Variants in ARF4 observed in about 807,000 individuals in gnomAD.
ARF4 encodes the protein ADP-ribosylation factor 4.
A neutral mutation model predicts 24.3 loss-of-function variants in ARF4; 5 were observed. The ratio of observed to expected loss-of-function variants is 0.21; its 90% CI spans 0.11 to 0.43. The LOEUF (loss-of-function observed/expected upper bound fraction) is 0.43. Ranked by LOEUF, ARF4 falls within the 20% of genes least tolerant of loss-of-function variation. ARF4 has a pLI of 1.00. For synonymous variants in ARF4, 62 were observed against 73.5 expected, an observed-to-expected ratio of 0.84 and a Z score of 0.80; for missense variants, 107 against 213.0, an observed-to-expected ratio of 0.50 and a Z score of 3.10.
intron 3 of ARF4, among the ~76,000 whole-genome samples, chr3:57,578,006 G>A (rs992285814): frequency 2.0e-5 from 3 of 151,944 alleles, no homozygotes; most frequent in African/African-American, 7.3e-5. Flanking sequence ...AGCTGAAATC[G>A]CACCACTGCA....
intron 1 of ARF4, among the ~76,000 whole-genome samples, chr3:57,591,838 T>C (rs2070120407): frequency 6.6e-6 from 1 of 152,084 alleles, no homozygotes; most frequent in Non-Finnish European, 1.5e-5. Context: ...CATGATTCCA[T>C]TAAATGAAGT....
chr3:57,590,314 G>C lies in ARF4; in HGVS notation c.68-5850C>G, dbSNP rs904880928. Among the ~76,000 whole-genome samples, 12 of 150,692 alleles carry C rather than the reference G, an allele frequency of 8.0e-5. No homozygotes were observed. In the East Asian group the frequency reaches 1.0e-3, roughly 13 times the overall value. ...AGCCTGGCCAAGATGGTGAAACCCTGTCTCTACTAAAAAATACAAAAATTA... is the reference window on the plus strand; with the variant it reads ...AGCCTGGCCAAGATGGTGAAACCCTCTCTCTACTAAAAAATACAAAAATTA... On this transcript the variant is annotated intron_variant, in intron 1 of 5. Coordinates refer to ENST00000303436, the MANE Select transcript of ARF4 (RefSeq NM_001660.4).
intron 3 of ARF4, among the ~76,000 whole-genome samples, chr3:57,579,329 C>T (rs998171306): frequency 6.9e-6 from 1 of 145,884 alleles, no homozygotes; most frequent in East Asian, 2.1e-4. Context: ...TTTTTTTCAC[C>T]CAGGCTGGAG....
chr3:57,596,098 A>T (rs552048857), intron 1 of ARF4, among the ~76,000 whole-genome samples: 1 of 152,212 alleles, frequency 6.6e-6, no homozygotes, highest in Non-Finnish European at 1.5e-5. Context: ...GACTGCTTAC[A>T]GTAACCGGGA....
At chr3:57,597,053 G>C (rs748898624) in intron 1 of ARF4, 21 bp downstream of exon 1, 2 of 1,612,620 alleles carry the variant, frequency 1.2e-6, no homozygotes, top group East Asian at 4.5e-5. Context: ...GGTCCCGCCT[G>C]ACTCGCAGCC....
chr3:57,577,396 A>C lies in ARF4; in HGVS notation c.259-9T>G, dbSNP rs769357816. ...ACCACAAAAATAAGACCCTGGGGAA[A>C]AATTGTTTCAGTAAATTTTAACAGT... On this transcript the variant is annotated splice_polypyrimidine_tract_variant and intron_variant, in intron 3 of 5. Transcript: ENST00000303436. 1 of 1,612,552 alleles carries C rather than the reference A, an allele frequency of 6.2e-7. No individual in the cohort carries two copies. The highest frequency in any genetic ancestry group is 2.2e-5 in the East Asian group (1 of 44,800).
At position 57,591,264 on chromosome 3, in the gene ARF4, G is replaced by T. The variant is rs1487663344; in HGVS notation, c.67+5810C>A. ...CCCACACAAAAACTTGTTCATGAATGTTGAAGAGCTAGAAAGTGAAAACAA... is the reference window on the plus strand; with the variant it reads ...CCCACACAAAAACTTGTTCATGAATTTTGAAGAGCTAGAAAGTGAAAACAA... On this transcript the variant is annotated intron_variant, in intron 1 of 5. Coordinates refer to ENST00000303436, the MANE Select transcript of ARF4 (RefSeq NM_001660.4). Among the ~76,000 whole-genome samples the T allele has an allele frequency of 4.6e-5, 7 of 152,038 alleles. No homozygotes were observed. In the East Asian group the frequency reaches 1.3e-3, roughly 29 times the overall value.
intron 1 of ARF4, among the ~76,000 whole-genome samples, chr3:57,584,884 G>A (rs1192788592): frequency 1.3e-5 from 2 of 151,968 alleles, no homozygotes; most frequent in African/African-American, 2.4e-5. Context: ...GGAGCGGGGG[G>A]ACGTATTCTC....
intron 5 of ARF4, among the ~76,000 whole-genome samples, chr3:57,573,582 T>C (rs941853938): frequency 2.6e-5 from 4 of 152,194 alleles, no homozygotes; most frequent in African/African-American, 2.4e-5. Flanking sequence ...ATTTATTGAT[T>C]GATCGACTGA....
At chr3:57,577,459 AAATGGTACC>A in intron 3 of ARF4, 72 bp from the exon 4 acceptor site, 1 of 1,185,046 alleles carries the variant, frequency 8.4e-7, no homozygotes, top group Non-Finnish European at 1.3e-6. Context: ...GTAGGCAGCA[AAATGGTACC>A]AATGGTTAGA....
At chr3:57,588,197 T>C (rs1004251702) in intron 1 of ARF4, among the ~76,000 whole-genome samples, 3 of 152,216 alleles carry the variant, frequency 2.0e-5, no homozygotes, top group East Asian at 1.9e-4. Context: ...TATTTAAAGA[T>C]GTACTGGAAT....
intron 1 of ARF4, among the ~76,000 whole-genome samples, chr3:57,584,895 G>A (rs1009262355): frequency 2.0e-5 from 3 of 152,026 alleles, no homozygotes; most frequent in African/African-American, 7.2e-5. Flanking sequence ...ACGTATTCTC[G>A]CTCTGTTGTC....
intron 1 of ARF4, among the ~76,000 whole-genome samples, chr3:57,589,585 GCTGGCGC>G (rs1223349993): frequency 6.6e-6 from 1 of 151,762 alleles, no homozygotes; most frequent in Non-Finnish European, 1.5e-5. Flanking sequence ...AGGCGTGGTG[GCTGGCGC>G]CTGTAAACCC....
chr3:57,579,981 G>A (rs1446913925), intron 3 of ARF4, among the ~76,000 whole-genome samples: 2 of 152,008 alleles, frequency 1.3e-5, no homozygotes, highest in Non-Finnish European at 2.9e-5. Context: ...CATGTCTATA[G>A]TCCTAGCTAC....
At chr3:57,587,319 C>CAAAA (rs56787111) in intron 1 of ARF4, among the ~76,000 whole-genome samples, 23 of 45,368 alleles carry the variant, frequency 5.1e-4, no homozygotes, top group Non-Finnish European at 8.9e-4. Flanking sequence ...AACTCAGTCT[C>CAAAA]AAAAAAAAAA....
intron 5 of ARF4, among the ~76,000 whole-genome samples, chr3:57,574,922 C>T (rs2069885637): frequency 6.6e-6 from 1 of 151,146 alleles, no homozygotes. Context: ...GATCGCGACT[C>T]ACCGCAACCT....
chr3:57,590,483 C>T (rs535789258), intron 1 of ARF4, among the ~76,000 whole-genome samples: 2 of 151,634 alleles, frequency 1.3e-5, no homozygotes, highest in Non-Finnish European at 2.9e-5. Flanking sequence ...AAGACTCCGT[C>T]TCAAAAAAAG....
At chr3:57,588,186 G>A (rs997277935) in intron 1 of ARF4, among the ~76,000 whole-genome samples, 3 of 152,158 alleles carry the variant, frequency 2.0e-5, no homozygotes, top group Admixed American at 6.5e-5. Context: ...ACAAGCAACT[G>A]TATTTAAAGA....
intron 1 of ARF4, among the ~76,000 whole-genome samples, chr3:57,589,353 A>G (rs1375824223): frequency 6.6e-6 from 1 of 151,150 alleles, no homozygotes; most frequent in Non-Finnish European, 1.5e-5. Flanking sequence ...CCTTGAGCCC[A>G]GGGGATCAAG....
Sources: allele counts gnomAD v4.1 joint callset (sites outside exome capture counted in the v4.1 genomes callset), GRCh38; gene constraint gnomAD v4.1.1; transcripts MANE v1.5; gene names NCBI Gene and HGNC (gene_info 2026-07-23, HGNC 2026-07-21).